Variants in WDR7 observed in about 807,000 individuals in gnomAD.
WDR7 encodes WD repeat-containing protein 7.
Under a neutral mutation model 169.4 loss-of-function variants are expected in WDR7, and 46 were observed. The ratio of observed to expected loss-of-function variants is 0.27; its 90% CI spans 0.21 to 0.35. The LOEUF is 0.35. Among genes scored for constraint, WDR7 ranks in the 10% least tolerant of loss-of-function variants. WDR7 has a pLI of 1.00. For missense variants in WDR7, 1,534 were observed against 1,859.3 expected (o/e 0.83, Z 3.22); for synonymous variants, 612 against 666.8 (o/e 0.92, Z 1.27).
rs550065655 is a variant in WDR7, at chr18:56,929,328, C to CT, written c.3713+5222dup. 7.7e-4 allele frequency among the ~76,000 whole-genome samples: 117 copies of CT among 152,196 alleles called. No homozygotes were observed. In the South Asian group the frequency reaches 0.015, roughly 19 times the overall value. On this transcript the variant is annotated intron_variant, in intron 22 of 27. Transcript: ENST00000254442. ...TTTGTACCTTCTAGATTGTAAAAGCCTTATTTACATATCAGTAAACTCTTG... is the reference window on the plus strand; with the variant it reads ...TTTGTACCTTCTAGATTGTAAAAGCCTTTATTTACATATCAGTAAACTCTTG...
At chr18:56,685,396 G>T (rs548433236) in intron 5 of WDR7, among the ~76,000 whole-genome samples, 14 of 152,302 alleles carry the variant, frequency 9.2e-5, no homozygotes, top group African/African-American at 3.4e-4. Context: ...TGGAGCCTAC[G>T]TTGACTGCTT....
intron 20 of WDR7, among the ~76,000 whole-genome samples, chr18:56,863,494 G>A (rs908183686): frequency 6.6e-6 from 1 of 151,598 alleles, no homozygotes; most frequent in African/African-American, 2.4e-5. Context: ...GAAGGGGAGA[G>A]CACAGTCAGG....
intron 22 of WDR7, among the ~76,000 whole-genome samples, chr18:56,930,533 T>A (rs968093410): frequency 6.6e-6 from 1 of 152,178 alleles, no homozygotes; most frequent in African/African-American, 2.4e-5. Context: ...AAGATACACA[T>A]TTAAGGGAGG....
chr18:56,765,879 C>T (rs1013064428), intron 16 of WDR7, among the ~76,000 whole-genome samples: 5 of 152,088 alleles, frequency 3.3e-5, no homozygotes, highest in Admixed American at 3.3e-4. Context: ...TACATGGATA[C>T]ACATGTGCCA....
chr18:56,757,819 T>C (rs1357204990), intron 15 of WDR7, among the ~76,000 whole-genome samples: 1 of 151,916 alleles, frequency 6.6e-6, no homozygotes, highest in African/African-American at 2.4e-5. Context: ...ATAAAAGTAA[T>C]TAGCTGGGCA....
At chr18:56,910,297 T>A (rs1338872192) in intron 21 of WDR7, among the ~76,000 whole-genome samples, 30 of 152,314 alleles carry the variant, frequency 2.0e-4, no homozygotes, top group South Asian at 6.2e-4. Context: ...CTGTCATATA[T>A]GTTAGTAGCT....
chr18:56,853,673 A>G (rs1354791433), intron 20 of WDR7, among the ~76,000 whole-genome samples: 2 of 149,752 alleles, frequency 1.3e-5, no homozygotes, highest in Admixed American at 1.3e-4. Context: ...AGAGGTAACC[A>G]CTCTTTTGAA....
chr18:57,021,726 C>A (rs139845018), intron 27 of WDR7, among the ~76,000 whole-genome samples: 80 of 152,246 alleles, frequency 5.3e-4, no homozygotes, highest in African/African-American at 1.9e-3. Context: ...AAATTAAACA[C>A]CCCCAAAAAA....
At chr18:56,824,203 G>A (rs938469609) in intron 20 of WDR7, among the ~76,000 whole-genome samples, 9 of 152,276 alleles carry the variant, frequency 5.9e-5, no homozygotes, top group African/African-American at 2.2e-4. Flanking sequence ...TGACATATGG[G>A]ATGAAATTCC....
chr18:56,876,951 G>A lies in WDR7; in HGVS notation c.3305-2993G>A, dbSNP rs377262541. Among the ~76,000 whole-genome samples the A allele has an allele frequency of 3.8e-4, 58 of 152,262 alleles. 2 individuals carry two copies. In the South Asian group the frequency reaches 0.011, roughly 29 times the overall value. On this transcript the variant is annotated intron_variant, in intron 20 of 27. Transcript: ENST00000254442. ...TAATTCCTGCGCTTTGGGAGGCGAAGGCAGGAAGATCACTTGTGGCCAGGA... is the reference window on the plus strand; with the variant it reads ...TAATTCCTGCGCTTTGGGAGGCGAAAGCAGGAAGATCACTTGTGGCCAGGA...
In WDR7 at chr18:56,718,002, C is replaced by T; in HGVS notation, c.1617C>T (p.Asp539=). 3.1e-6 allele frequency: 5 copies of T among 1,614,026 alleles called. No homozygotes were observed. Among genetic ancestry groups the T allele is most frequent in the Non-Finnish European group, 4.2e-6 (5 of 1,179,954 alleles). The part of the protein sequence containing the change: ...VQHCICSVAS[D]HSVGLLSLRE... The stretch of plus-strand genomic sequence containing the variant: ...ACTGCATCTGCTCTGTAGCCAGTGA[C>T]CACTCAGTAGGACTTCTAAGTTTGC... Residue 539 remains aspartate, a synonymous_variant, in exon 13 of 28, where the codon GAC becomes GAT. Transcript: ENST00000254442.
At chr18:56,903,966 A>C (rs2046441238) in intron 21 of WDR7, among the ~76,000 whole-genome samples, 1 of 152,158 alleles carries the variant, frequency 6.6e-6, no homozygotes, top group Non-Finnish European at 1.5e-5. Context: ...TCACAGCTTA[A>C]CCTTTAAAGT....
intron 1 of WDR7, among the ~76,000 whole-genome samples, chr18:56,654,954 C>T (rs1296608686): frequency 6.6e-6 from 1 of 152,182 alleles, no homozygotes; most frequent in Non-Finnish European, 1.5e-5. Context: ...ATTAAGTGCT[C>T]ATATATACTC....
At chr18:56,719,576 A>C (rs990021696) in intron 13 of WDR7, among the ~76,000 whole-genome samples, 3 of 152,028 alleles carry the variant, frequency 2.0e-5, no homozygotes, top group Admixed American at 6.5e-5. Flanking sequence ...AAAAAAAAAA[A>C]AAACAGAATT....
At chr18:56,878,387 T>A (rs1374190997) in intron 20 of WDR7, among the ~76,000 whole-genome samples, 1 of 152,132 alleles carries the variant, frequency 6.6e-6, no homozygotes, top group Non-Finnish European at 1.5e-5. Context: ...ACCCTTTGAG[T>A]CTTAAATCCA....
At chr18:56,776,901 C>A (rs748384341) in intron 17 of WDR7, 21 bp downstream of exon 17, 1 of 1,587,060 alleles carries the variant, frequency 6.3e-7, no homozygotes, top group East Asian at 2.2e-5. Flanking sequence ...CAACTTCTAA[C>A]AACTTTCTCT....
At chr18:56,939,733 A>T (rs1343201113) in intron 25 of WDR7, among the ~76,000 whole-genome samples, 3 of 152,062 alleles carry the variant, frequency 2.0e-5, no homozygotes, top group Non-Finnish European at 2.9e-5. Context: ...TGGAAAGAAA[A>T]TGTTCTTTTC....
At position 56,816,058 on chromosome 18, in the gene WDR7, C is replaced by G; in HGVS notation, c.3218C>G (p.Thr1073Ser). The G allele has an allele frequency of 6.2e-7, 1 of 1,613,062 alleles. No homozygotes were observed. Among genetic ancestry groups the G allele is most frequent in the Non-Finnish European group, 8.5e-7 (1 of 1,179,716 alleles). Residue 1073 changes from threonine to serine, a missense_variant, in exon 20 of 28, where the codon ACT (threonine) becomes AGT (serine). Transcript: ENST00000254442. The stretch of plus-strand genomic sequence containing the variant: ...GGAGTCACATCAGAAGCCGCGCAGA[C>G]TATCACCACGGCTCCTGATGCCTCA... The part of the protein sequence containing the change: ...SPGVTSEAAQ[T>S]ITTAPDASGP...
At chr18:56,657,739 G>T (rs1316735660) in intron 1 of WDR7, among the ~76,000 whole-genome samples, 1 of 152,130 alleles carries the variant, frequency 6.6e-6, no homozygotes, top group East Asian at 1.9e-4. Flanking sequence ...GAATACAAAA[G>T]AACACAAACA....
Sources: allele counts gnomAD v4.1 joint callset (sites outside exome capture counted in the v4.1 genomes callset), GRCh38; gene constraint gnomAD v4.1.1; transcripts MANE v1.5; gene names NCBI Gene and HGNC (gene_info 2026-07-23, HGNC 2026-07-21).